Variants in STAC observed in about 807,000 individuals in gnomAD.
STAC encodes the protein SH3 and cysteine-rich domain-containing protein.
Under a neutral mutation model 48.8 loss-of-function variants are expected in STAC, and 43 were observed. That is an observed-to-expected ratio of 0.88 (90% CI 0.69 to 1.14). STAC has a LOEUF of 1.14. STAC is among the 50% of genes most tolerant of loss of function. The pLI, the probability that STAC is intolerant of heterozygous loss-of-function variation, is 0.00. For missense variants in STAC, 497 were observed against 504.0 expected (o/e 0.99, Z 0.13); for synonymous variants, 193 against 179.5 (o/e 1.07, Z -0.60).
At chr3:36,424,330 T>TA (rs1700515858) in intron 1 of STAC, among the ~76,000 whole-genome samples, 1 of 152,132 alleles carries the variant, frequency 6.6e-6, no homozygotes, top group African/African-American at 2.4e-5. Flanking sequence ...TCCAGCCATG[T>TA]AAATATCAAT....
intron 2 of STAC, among the ~76,000 whole-genome samples, chr3:36,479,959 A>G (rs547488225): frequency 6.6e-5 from 10 of 152,326 alleles, no homozygotes; most frequent in African/African-American, 2.4e-4. Flanking sequence ...GTTATTCCAG[A>G]GTGGACATTG....
rs1035223688 is a variant in STAC, at chr3:36,419,873, A to G, written c.112-23491A>G. Among the ~76,000 whole-genome samples, 12 of 152,270 alleles carry G rather than the reference A, an allele frequency of 7.9e-5. No homozygotes were observed. In the South Asian group the frequency reaches 2.5e-3, roughly 32 times the overall value. ...CTTCTTCAGCTCAGCCTGTCAAAGC[A>G]CCATATTTGGGGCATAGGTTTCTGT... On this transcript the variant is annotated intron_variant, in intron 1 of 10. Coordinates refer to ENST00000273183, the MANE Select transcript of STAC (RefSeq NM_003149.3).
intron 2 of STAC, among the ~76,000 whole-genome samples, chr3:36,466,430 C>T (rs1254275919): frequency 6.6e-6 from 1 of 151,858 alleles, no homozygotes; most frequent in Non-Finnish European, 1.5e-5. Flanking sequence ...TTTTCTAGTT[C>T]TGTGAAGAAT....
At chr3:36,535,793 C>G (rs2125500356) in intron 10 of STAC, among the ~76,000 whole-genome samples, 1 of 152,182 alleles carries the variant, frequency 6.6e-6, no homozygotes, top group Middle Eastern at 3.4e-3. Flanking sequence ...TATGTTGAAC[C>G]AGCCTTGCAT....
At chr3:36,438,164 C>A (rs1395655369) in intron 1 of STAC, among the ~76,000 whole-genome samples, 1 of 152,068 alleles carries the variant, frequency 6.6e-6, no homozygotes, top group Non-Finnish European at 1.5e-5. Context: ...CTCGAACTCC[C>A]AACCTCAGGT....
chr3:36,454,578 G>A (rs1381583730), intron 2 of STAC, among the ~76,000 whole-genome samples: 1 of 152,116 alleles, frequency 6.6e-6, no homozygotes. Flanking sequence ...AGAAAGACAT[G>A]GATACTATCT....
chr3:36,521,717 T>C (rs1311527674), intron 8 of STAC, among the ~76,000 whole-genome samples: 1 of 152,188 alleles, frequency 6.6e-6, no homozygotes, highest in Non-Finnish European at 1.5e-5. Context: ...GAATAAATCT[T>C]CTAATTTACA....
chr3:36,409,304 A>G (rs1045862522), intron 1 of STAC, among the ~76,000 whole-genome samples: 3 of 152,186 alleles, frequency 2.0e-5, no homozygotes, highest in African/African-American at 7.2e-5. Context: ...TTCCAATCCA[A>G]ATCAGTGGAG....
At position 36,446,125 on chromosome 3, in the gene STAC, T is replaced by C. The variant is rs1696502589; in HGVS notation, c.388+2485T>C. ...TGGACTTGATGCCTGAAACTGCTAC[T>C]TACCAGGCTCTCAGACCTGTTGTGT... On this transcript the variant is annotated intron_variant, in intron 2 of 10. Coordinates refer to ENST00000273183, the MANE Select transcript of STAC (RefSeq NM_003149.3). 2.0e-5 allele frequency among the ~76,000 whole-genome samples: 3 copies of C among 152,310 alleles called. No individual in the cohort carries two copies. The South Asian group carries it at 6.2e-4, about 32-fold the overall frequency.
At chr3:36,440,022 T>C (rs1331423533) in intron 1 of STAC, among the ~76,000 whole-genome samples, 1 of 152,236 alleles carries the variant, frequency 6.6e-6, no homozygotes, top group Non-Finnish European at 1.5e-5. Flanking sequence ...AAGTCTTAGC[T>C]GGCTCACTCT....
chr3:36,471,964 G>A (rs1448687760), intron 2 of STAC, among the ~76,000 whole-genome samples: 6 of 152,168 alleles, frequency 3.9e-5, no homozygotes, highest in Admixed American at 2.6e-4. Context: ...GGGACTCTGT[G>A]TGGGACTCTG....
At chr3:36,505,102 AGTT>A (rs890420964) in intron 7 of STAC, among the ~76,000 whole-genome samples, 3 of 152,260 alleles carry the variant, frequency 2.0e-5, no homozygotes, top group East Asian at 1.9e-4. Flanking sequence ...TACCTAACGG[AGTT>A]GTTGTTAAGT....
intron 6 of STAC, 95 bp from the exon 7 acceptor site, chr3:36,504,298 T>C: frequency 8.6e-7 from 1 of 1,158,676 alleles, no homozygotes; most frequent in South Asian, 1.4e-5. Flanking sequence ...AAGTAGAAGC[T>C]ATGGTACTTA....
chr3:36,527,757 T>C (rs185573773), intron 8 of STAC, among the ~76,000 whole-genome samples: 214 of 152,282 alleles, frequency 1.4e-3, no homozygotes, highest in Middle Eastern at 6.8e-3. Context: ...CTGTGTTGAA[T>C]AGAAAGAATT....
chr3:36,521,324 G>A (rs2125725865), intron 8 of STAC, among the ~76,000 whole-genome samples: 1 of 152,246 alleles, frequency 6.6e-6, no homozygotes, highest in South Asian at 2.1e-4. Context: ...AGTGGAGTTA[G>A]TTATAGATTC....
At chr3:36,428,812 G>C (rs1376788682) in intron 1 of STAC, among the ~76,000 whole-genome samples, 1 of 152,178 alleles carries the variant, frequency 6.6e-6, no homozygotes, top group East Asian at 1.9e-4. Context: ...ATCACGGAAA[G>C]GATATTAGAT....
intron 8 of STAC, among the ~76,000 whole-genome samples, chr3:36,514,250 A>T (rs1353195734): frequency 1.2e-5 from 1 of 83,900 alleles, no homozygotes; most frequent in Non-Finnish European, 2.2e-5. Context: ...AAAGGACCAC[A>T]CCGCCCACTT....
chr3:36,443,428 ACTT>A lies in STAC; in HGVS notation c.181_183del (p.Phe61del), dbSNP rs759801864. 3 of 1,614,212 alleles carry A rather than the reference ACTT, an allele frequency of 1.9e-6. No individual in the cohort carries two copies. Among genetic ancestry groups the A allele is most frequent in the South Asian group, 1.1e-5 (1 of 91,074 alleles). ...AGTTTACGGAGCAAAAGTGCTGACA[ACTT>A]CTTCCAGCGAACCAACAGCGAAGAC... On this transcript the variant is annotated inframe_deletion, in exon 2 of 11. Transcript: ENST00000273183. The surrounding 1 kb of genome is among the most constrained non-coding windows in gnomAD (Gnocchi z 4.2).
At chr3:36,474,321 AC>A (rs1467250918) in intron 2 of STAC, among the ~76,000 whole-genome samples, 1 of 152,178 alleles carries the variant, frequency 6.6e-6, no homozygotes, top group Non-Finnish European at 1.5e-5. Context: ...TCTAAGGTAA[AC>A]TTTTGGCACC....
Sources: allele counts gnomAD v4.1 joint callset (sites outside exome capture counted in the v4.1 genomes callset), GRCh38; gene constraint gnomAD v4.1.1; non-coding constraint Gnocchi (gnomAD v3.1); transcripts MANE v1.5; gene names NCBI Gene and HGNC (gene_info 2026-07-23, HGNC 2026-07-21).